Variants in GALNTL6 observed in about 807,000 individuals in gnomAD.
The protein encoded by GALNTL6 is polypeptide N-acetylgalactosaminyltransferase-like 6.
GALNTL6 carries 46 observed loss-of-function variants against 73.7 expected under a neutral mutation model. That is an observed-to-expected ratio of 0.62 (90% CI 0.49 to 0.80). GALNTL6 has a LOEUF of 0.80. Ranked by LOEUF, GALNTL6 falls within the 30% of genes least tolerant of loss-of-function variation. The probability of loss-of-function intolerance (pLI) is 0.00; values close to 1 mark genes in which losing one functional copy is unlikely to be tolerated. For synonymous variants in GALNTL6, 259 were observed against 263.7 expected (o/e 0.98, Z 0.17); for missense variants, 604 against 755.0 (o/e 0.80, Z 2.34).
chr4:171,857,990 C>A (rs1735735256), intron 2 of GALNTL6, among the ~76,000 whole-genome samples: 2 of 152,130 alleles, frequency 1.3e-5, no homozygotes, highest in Non-Finnish European at 1.5e-5. Flanking sequence ...GTGCTTAGAT[C>A]AATGATATGG....
At chr4:172,794,856 C>T (rs983623980) in intron 5 of GALNTL6, among the ~76,000 whole-genome samples, 7 of 152,160 alleles carry the variant, frequency 4.6e-5, no homozygotes, top group Non-Finnish European at 1.0e-4. Flanking sequence ...TTCTTAATCA[C>T]GTCCCTTTCA....
intron 2 of GALNTL6, among the ~76,000 whole-genome samples, chr4:172,074,030 G>A (rs1473802161): frequency 1.3e-5 from 2 of 152,174 alleles, no homozygotes; most frequent in Non-Finnish European, 2.9e-5. Flanking sequence ...TCCCTCACCT[G>A]TAGAACTAGC....
chr4:172,538,357 G>T lies in GALNTL6; in HGVS notation c.553+189668G>T, dbSNP rs575331820. 3.3e-5 allele frequency among the ~76,000 whole-genome samples: 5 copies of T among 152,264 alleles called. No individual in the cohort carries two copies. In the East Asian group the frequency reaches 7.7e-4, roughly 24 times the overall value. ...TGCCTGTAGTCCCATCTACTAGGGA[G>T]GCTGAGGCAGGAGAATGGCGTGAAC... On this transcript the variant is annotated intron_variant, in intron 5 of 12. Coordinates refer to ENST00000506823, the MANE Select transcript of GALNTL6 (RefSeq NM_001034845.3).
intron 2 of GALNTL6, among the ~76,000 whole-genome samples, chr4:172,128,522 G>A (rs1433517401): frequency 6.6e-6 from 1 of 152,182 alleles, no homozygotes; most frequent in Non-Finnish European, 1.5e-5. Flanking sequence ...TACAGGAACT[G>A]TTTACGTGGC....
At chr4:172,126,077 G>A (rs1046926966) in intron 2 of GALNTL6, among the ~76,000 whole-genome samples, 1 of 151,860 alleles carries the variant, frequency 6.6e-6, no homozygotes, top group Non-Finnish European at 1.5e-5. Context: ...AATAAATTTT[G>A]CACTGTGTCA....
intron 5 of GALNTL6, among the ~76,000 whole-genome samples, chr4:172,562,542 C>T (rs2110929144): frequency 6.6e-6 from 1 of 152,254 alleles, no homozygotes; most frequent in African/African-American, 2.4e-5. Flanking sequence ...GTGGTGTTGT[C>T]CCTCAAAAAA....
At chr4:172,810,227 A>G (rs1741210995) in intron 6 of GALNTL6, among the ~76,000 whole-genome samples, 1 of 152,178 alleles carries the variant, frequency 6.6e-6, no homozygotes. Context: ...GTCATAACAC[A>G]CTTGAACTGT....
At position 172,705,057 on chromosome 4, in the gene GALNTL6, A is replaced by G. The variant is rs570689352; in HGVS notation, c.554-104304A>G. ...TAAAATATATTCTTCTATTTTTTCT[A>G]TTTAAATCATGTGTCTTTATAGATG... On this transcript the variant is annotated intron_variant, in intron 5 of 12. Transcript: ENST00000506823. Among the ~76,000 whole-genome samples the G allele has an allele frequency of 5.3e-5, 8 of 151,702 alleles. No homozygotes were observed. In the South Asian group the frequency reaches 1.0e-3, roughly 20 times the overall value.
In GALNTL6 at chr4:171,814,876, G is replaced by A. The variant is rs1222437499; in HGVS notation, c.138+158G>A. The A allele has an allele frequency of 2.4e-5, 16 of 669,270 alleles. No individual in the cohort carries two copies. In the Admixed American group the frequency reaches 4.4e-4, roughly 18 times the overall value. The allele number at this position is 669,270 out of a possible 1,614,324, so 41.5% of individuals were successfully genotyped here. ...TCTAGAGACTTTGGGGTTTAAGCAA[G>A]TAGATGTTTTAAGATTGCAGCCAGT... On this transcript the variant is annotated intron_variant, in intron 2 of 12. Coordinates refer to ENST00000506823, the MANE Select transcript of GALNTL6 (RefSeq NM_001034845.3).
At chr4:172,446,897 C>A (rs1222481191) in intron 5 of GALNTL6, among the ~76,000 whole-genome samples, 2 of 152,078 alleles carry the variant, frequency 1.3e-5, no homozygotes, top group Non-Finnish European at 2.9e-5. Context: ...TCTCTGACTC[C>A]TGGATGGTTA....
intron 5 of GALNTL6, among the ~76,000 whole-genome samples, chr4:172,791,096 G>T (rs1269114972): frequency 6.6e-6 from 1 of 152,092 alleles, no homozygotes; most frequent in Non-Finnish European, 1.5e-5. Flanking sequence ...TGCTGCATTG[G>T]AAGAAAATGG....
intron 2 of GALNTL6, among the ~76,000 whole-genome samples, chr4:171,887,835 C>G (rs1254923646): frequency 6.6e-6 from 1 of 152,044 alleles, no homozygotes; most frequent in Non-Finnish European, 1.5e-5. Context: ...CTTCCTCCCA[C>G]TAGGGTTTTT....
chr4:172,441,052 T>G (rs975185868), intron 5 of GALNTL6, among the ~76,000 whole-genome samples: 1 of 152,160 alleles, frequency 6.6e-6, no homozygotes, highest in Non-Finnish European at 1.5e-5. Flanking sequence ...ATTTTATGTT[T>G]TCTTCATTAA....
intron 2 of GALNTL6, among the ~76,000 whole-genome samples, chr4:172,137,895 C>T (rs1310205666): frequency 6.6e-6 from 1 of 152,134 alleles, no homozygotes; most frequent in African/African-American, 2.4e-5. Context: ...CTTGAATTGT[C>T]TTTCTTTAGG....
chr4:172,078,156 C>T (rs1273802878), intron 2 of GALNTL6, among the ~76,000 whole-genome samples: 1 of 152,090 alleles, frequency 6.6e-6, no homozygotes, highest in Admixed American at 6.5e-5. Context: ...AGAGTGGAGC[C>T]CTCATGGAGA....
intron 5 of GALNTL6, among the ~76,000 whole-genome samples, chr4:172,650,232 A>G (rs1410711556): frequency 1.3e-5 from 2 of 152,198 alleles, no homozygotes; most frequent in African/African-American, 4.8e-5. Flanking sequence ...ACCGCAAGCC[A>G]GAGTCCAGGA....
intron 7 of GALNTL6, among the ~76,000 whole-genome samples, chr4:172,843,588 T>C (rs1012982555): frequency 6.6e-6 from 1 of 152,138 alleles, no homozygotes; most frequent in African/African-American, 2.4e-5. Context: ...CATGCTCTGG[T>C]GTTCTGAAAA....
intron 2 of GALNTL6, among the ~76,000 whole-genome samples, chr4:172,090,613 A>G (rs1024482487): frequency 5.3e-5 from 8 of 152,078 alleles, no homozygotes; most frequent in Non-Finnish European, 1.0e-4. Context: ...CAGATGGATC[A>G]ATTGCAAAAA....
At chr4:172,559,748 T>A (rs544467055) in intron 5 of GALNTL6, among the ~76,000 whole-genome samples, 1 of 152,314 alleles carries the variant, frequency 6.6e-6, no homozygotes, top group South Asian at 2.1e-4. Context: ...AAATAGTGGC[T>A]AAAAGTAATT....
Sources: allele counts gnomAD v4.1 joint callset (sites outside exome capture counted in the v4.1 genomes callset), GRCh38; gene constraint gnomAD v4.1.1; transcripts MANE v1.5; gene names NCBI Gene and HGNC (gene_info 2026-07-23, HGNC 2026-07-21).